Variants in CERS6 observed in about 807,000 individuals in gnomAD.
CERS6 encodes the protein LAG1 homolog, ceramide synthase 6.
In CERS6, 26 loss-of-function variants were observed where a neutral mutation model predicts 56.8. The ratio of observed to expected loss-of-function variants is 0.46; its 90% confidence interval spans 0.34 to 0.63. The LOEUF (loss-of-function observed/expected upper bound fraction) is 0.63. Ranked by LOEUF, CERS6 falls within the 30% of genes least tolerant of loss-of-function variation. CERS6 has a pLI of 0.01. For synonymous variants in CERS6, 164 were observed against 173.3 expected (o/e 0.95, Z 0.42); for missense variants, 415 against 467.5 (o/e 0.89, Z 1.04).
intron 1 of CERS6, among the ~76,000 whole-genome samples, chr2:168,534,441 G>A (rs1352018897): frequency 4.7e-5 from 7 of 147,714 alleles, no homozygotes; most frequent in East Asian, 2.0e-4. Flanking sequence ...TGCTGTTGTC[G>A]TTGCTTTCTG....
chr2:168,769,139 T>C (rs1044863764), intron 9 of CERS6, among the ~76,000 whole-genome samples: 6 of 152,166 alleles, frequency 3.9e-5, no homozygotes, highest in Non-Finnish European at 5.9e-5. Context: ...TCAAGGAGAA[T>C]GTGATCATCA....
chr2:168,613,480 C>T (rs1453404), intron 3 of CERS6, among the ~76,000 whole-genome samples: 151,235 of 152,320 alleles, frequency 0.99, 75,091 homozygotes, highest in East Asian at 1. Context: ...CAGCAGTGAT[C>T]CAAACAAGGT....
intron 1 of CERS6, among the ~76,000 whole-genome samples, chr2:168,521,517 G>C (rs981573824): frequency 3.2e-4 from 48 of 152,188 alleles, no homozygotes; most frequent in African/African-American, 1.0e-3. Context: ...GGGAGGGAGG[G>C]GGCAGAGCAG....
chr2:168,490,184 A>G (rs1694344902), intron 1 of CERS6, among the ~76,000 whole-genome samples: 1 of 152,148 alleles, frequency 6.6e-6, no homozygotes, highest in African/African-American at 2.4e-5. Flanking sequence ...GATCTGTGTC[A>G]TGCATGCACA....
intron 3 of CERS6, among the ~76,000 whole-genome samples, chr2:168,629,983 A>AT (rs1167353402): frequency 7.9e-5 from 12 of 151,640 alleles, no homozygotes; most frequent in Non-Finnish European, 1.8e-4. Flanking sequence ...AGCCTGTCTA[A>AT]TTTTTTGTAT....
At chr2:168,541,415 A>G (rs1201308751) in intron 1 of CERS6, among the ~76,000 whole-genome samples, 2 of 151,406 alleles carry the variant, frequency 1.3e-5, no homozygotes, top group Non-Finnish European at 2.9e-5. Flanking sequence ...AATTACCCAC[A>G]TGTTAGATTT....
At chr2:168,560,564 C>T (rs762647525) in intron 2 of CERS6, among the ~76,000 whole-genome samples, 2 of 151,852 alleles carry the variant, frequency 1.3e-5, no homozygotes, top group African/African-American at 2.4e-5. Context: ...GTAAAAGACT[C>T]GATGTGGGAT....
chr2:168,694,570 A>C (rs552976932), intron 5 of CERS6, among the ~76,000 whole-genome samples: 1 of 152,242 alleles, frequency 6.6e-6, no homozygotes, highest in African/African-American at 2.4e-5. Context: ...AGTTCCTATC[A>C]CCTACTGTCT....
intron 1 of CERS6, among the ~76,000 whole-genome samples, chr2:168,530,704 A>G (rs1315000889): frequency 6.6e-6 from 1 of 152,122 alleles, no homozygotes; most frequent in African/African-American, 2.4e-5. Context: ...GAATCCTGGG[A>G]ATGTGTAGCA....
chr2:168,470,201 G>A (rs1461626973), intron 1 of CERS6, among the ~76,000 whole-genome samples: 1 of 124,608 alleles, frequency 8.0e-6, no homozygotes, highest in African/African-American at 3.2e-5. Context: ...GTGAGACCCT[G>A]CCAACTCTAC....
intron 6 of CERS6, among the ~76,000 whole-genome samples, chr2:168,703,482 C>T (rs1559059347): frequency 1.3e-5 from 2 of 151,896 alleles, no homozygotes; most frequent in East Asian, 1.9e-4. Context: ...CACTTGAACC[C>T]GAGAGGCGGA....
chr2:168,506,302 A>G (rs1470935396), intron 1 of CERS6, among the ~76,000 whole-genome samples: 3 of 152,110 alleles, frequency 2.0e-5, no homozygotes. Flanking sequence ...TTCTGAATAC[A>G]TCTTTGAATA....
At chr2:168,543,438 T>C (rs964048220) in intron 1 of CERS6, among the ~76,000 whole-genome samples, 1 of 152,096 alleles carries the variant, frequency 6.6e-6, no homozygotes, top group African/African-American at 2.4e-5. Context: ...AGACAGCCTT[T>C]GTGAACTTAT....
At chr2:168,601,195 G>A (rs1231034174) in intron 3 of CERS6, among the ~76,000 whole-genome samples, 2 of 152,110 alleles carry the variant, frequency 1.3e-5, no homozygotes, top group African/African-American at 4.8e-5. Context: ...ATAACAGGTG[G>A]CTTTCTTTTA....
intron 4 of CERS6, among the ~76,000 whole-genome samples, chr2:168,634,420 G>C (rs971142284): frequency 2.0e-5 from 3 of 152,004 alleles, no homozygotes; most frequent in African/African-American, 7.2e-5. Flanking sequence ...TTGTTTGTTT[G>C]TTTGTTTTTT....
chr2:168,758,206 G>A (rs943800554), intron 8 of CERS6, among the ~76,000 whole-genome samples: 1 of 152,062 alleles, frequency 6.6e-6, no homozygotes, highest in Non-Finnish European at 1.5e-5. Context: ...CCAGAGAAAC[G>A]CACATCATGA....
In CERS6 at chr2:168,500,352, G is replaced by A. The variant is rs1574025700; in HGVS notation, c.170+43734G>A. Among the ~76,000 whole-genome samples the A allele has an allele frequency of 3.9e-5, 6 of 152,308 alleles. No individual in the cohort carries two copies. The South Asian group carries it at 1.0e-3, about 26-fold the overall frequency. ...AAACAAGGGGTGGTCATATTTGGCT[G>A]TGCAAGCAATTGTACCCATAAAGTT... On this transcript the variant is annotated intron_variant, in intron 1 of 9. Transcript: ENST00000305747.
intron 3 of CERS6, among the ~76,000 whole-genome samples, chr2:168,629,215 TC>T (rs1292043445): frequency 2.6e-5 from 4 of 152,338 alleles, no homozygotes; most frequent in Admixed American, 2.6e-4. Flanking sequence ...TGGTAGGAAT[TC>T]CAATGACTTC....
At chr2:168,605,031 A>G (rs1684021057) in intron 3 of CERS6, among the ~76,000 whole-genome samples, 2 of 152,214 alleles carry the variant, frequency 1.3e-5, no homozygotes, top group Non-Finnish European at 1.5e-5. Context: ...ATGTCTGCCC[A>G]TTACCCAGTT....
Sources: gnomAD v4.1 joint callset for allele counts (sites outside exome capture counted in the v4.1 genomes callset) on GRCh38, gnomAD v4.1.1 for gene constraint, MANE v1.5 for transcripts, NCBI Gene and HGNC (gene_info 2026-07-23, HGNC 2026-07-21) for gene names.